Variants in DCUN1D1 observed in about 807,000 individuals in gnomAD.
The protein encoded by DCUN1D1 is defective in cullin neddylation 1 domain containing 1.
Under a neutral mutation model 39.0 loss-of-function variants are expected in DCUN1D1, and 3 were observed. The observed-to-expected ratio is 0.08, with a 90% CI of 0.04 to 0.20. The LOEUF (loss-of-function observed/expected upper bound fraction) is 0.20, where lower values mean the gene tolerates loss of function less well. Among genes scored for constraint, DCUN1D1 ranks in the 10% least tolerant of loss-of-function variants. The pLI is 1.00. For synonymous variants in DCUN1D1, 82 were observed against 96.3 expected (o/e 0.85, Z 0.87); for missense variants, 158 against 302.4 (o/e 0.52, Z 3.54).
rs57297234 is a variant in DCUN1D1, at chr3:182,943,114, GAAA to G, written c.*1977_*1979del. 0.046 allele frequency: 2,451 copies of G among 53,648 alleles called. 50 individuals are homozygous for G. The highest frequency in any genetic ancestry group is 0.16 in the African/African-American group (2,246 of 14,014). The allele number at this position is 53,648 out of a possible 1,614,324, so 3.3% of individuals were successfully genotyped here. ...ACTTTTAAAGAAAACACTTTATATT[GAAA>G]AAAAAAAAAAAAAAAAAAAGCTAAT... On this transcript the variant is annotated 3_prime_UTR_variant, in exon 7 of 7. Transcript: ENST00000292782.
chr3:182,964,878 ATC>A (rs1727590443), intron 2 of DCUN1D1, among the ~76,000 whole-genome samples: 2 of 152,212 alleles, frequency 1.3e-5, no homozygotes, highest in East Asian at 3.9e-4. Context: ...TGACCTTGTG[ATC>A]TGACCACCTC....
At chr3:182,982,643 A>AT (rs1258951262), upstream of DCUN1D1, among the ~76,000 whole-genome samples, 1 of 151,820 alleles carries the variant, frequency 6.6e-6, no homozygotes, top group East Asian at 1.9e-4. Flanking sequence ...TTGTTGTTGT[A>AT]TTTTTTTGTT....
intron 6 of DCUN1D1, among the ~76,000 whole-genome samples, chr3:182,946,262 T>C (rs1045497809): frequency 1.3e-5 from 2 of 151,856 alleles, no homozygotes; most frequent in African/African-American, 4.8e-5. Context: ...TGAAGTAAGT[T>C]TCAAAAAAAA....
chr3:182,951,469 A>G (rs2108629974), intron 4 of DCUN1D1, among the ~76,000 whole-genome samples: 1 of 151,762 alleles, frequency 6.6e-6, no homozygotes, highest in Admixed American at 6.5e-5. Context: ...CAAAAAAACC[A>G]GCCGAGCATG....
At position 182,947,242 on chromosome 3, in the gene DCUN1D1, T is replaced by A. The variant is rs1281824001; in HGVS notation, c.696A>T (p.Glu232Asp). The change falls in exon 6 of 7, where the codon GAA (glutamate) becomes GAT (aspartate). Residue 232 changes from glutamate (E) to aspartate (D), a missense_variant. By Grantham distance (45) the Glu-to-Asp change is conservative (BLOSUM62 2). Around this residue, in one of 4 missense-constraint regions of DCUN1D1, gnomAD observed 14 missense variants for 48.0 expected, o/e 0.29. Transcript: ENST00000292782. The part of the protein sequence containing the change: ...MIADDMSNYD[E>D]EGAWPVLIDD... Reference sequence around the variant, plus strand: ...TGTGGCAAAAATTTTCATTACCTTCTTCATCATAATTAGACATGTCATCTG... The same window carrying A: ...TGTGGCAAAAATTTTCATTACCTTCATCATCATAATTAGACATGTCATCTG... 5 of 1,588,284 alleles carry A rather than the reference T, an allele frequency of 3.1e-6. No homozygotes were observed. The highest frequency in any genetic ancestry group is 4.3e-6 in the Non-Finnish European group (5 of 1,169,104).
intron 1 of DCUN1D1, among the ~76,000 whole-genome samples, chr3:182,967,715 G>A (rs534086994): frequency 1.3e-5 from 2 of 152,252 alleles, no homozygotes; most frequent in African/African-American, 4.8e-5. Context: ...TCCCTCAAGT[G>A]TCTAGGATTC....
chr3:182,949,728 A>G (rs1023563258), intron 4 of DCUN1D1, among the ~76,000 whole-genome samples: 6 of 152,094 alleles, frequency 3.9e-5, no homozygotes, highest in Admixed American at 1.3e-4. Flanking sequence ...AAAACAAACA[A>G]CACAACAACA....
chr3:182,959,598 T>C (rs544538697), intron 4 of DCUN1D1, among the ~76,000 whole-genome samples: 9 of 150,878 alleles, frequency 6.0e-5, no homozygotes, highest in South Asian at 2.1e-4. Flanking sequence ...AAATTAAGGA[T>C]AATAAACTGC....
chr3:182,962,226 G>C (rs1025548797), intron 3 of DCUN1D1, among the ~76,000 whole-genome samples: 15 of 152,144 alleles, frequency 9.9e-5, no homozygotes, highest in Admixed American at 9.2e-4. Flanking sequence ...GTTCAGGATG[G>C]GCCTGGCTTT....
At chr3:182,965,507 ATTTAC>A (rs754098424) in intron 2 of DCUN1D1, 25 bp downstream of exon 2, 9 of 1,507,482 alleles carry the variant, frequency 6.0e-6, no homozygotes, top group Non-Finnish European at 8.2e-6. Flanking sequence ...CTGGTCCAAA[ATTTAC>A]TTAAAGTCAC....
chr3:182,971,201 G>C (rs570858188), intron 1 of DCUN1D1, among the ~76,000 whole-genome samples: 1 of 152,254 alleles, frequency 6.6e-6, no homozygotes, highest in African/African-American at 2.4e-5. Context: ...GAGGTTACAC[G>C]AATCAATTCA....
In DCUN1D1 at chr3:182,941,121, T is replaced by C. The variant is rs924973816; in HGVS notation, c.*3973A>G. On this transcript the variant is annotated 3_prime_UTR_variant, in exon 7 of 7. Transcript: ENST00000292782. ...TCAACAGGTAGGAAAGAAAATAAGA[T>C]AGCAAGAATGCTCTGATAAAATCAT... The C allele has an allele frequency of 1.3e-5, 2 of 150,686 alleles. No homozygotes were observed. Among genetic ancestry groups the C allele is most frequent in the East Asian group, 1.9e-4 (1 of 5,188 alleles). The allele number at this position is 150,686 out of a possible 1,614,324, so 9.3% of individuals were successfully genotyped here. A position where few individuals can be genotyped will look rare whatever the true frequency, so the allele number is the denominator to read the frequency against.
upstream of DCUN1D1, among the ~76,000 whole-genome samples, chr3:182,982,314 T>C (rs1728581754): frequency 6.6e-6 from 1 of 152,222 alleles, no homozygotes; most frequent in South Asian, 2.1e-4. Context: ...GTATACAGCC[T>C]GTGTCACGCT....
In DCUN1D1 at chr3:182,945,009, C is replaced by T; in HGVS notation, c.*85G>A. 1.7e-6 allele frequency: 2 copies of T among 1,149,450 alleles called. No individual in the cohort carries two copies. The highest frequency in any genetic ancestry group is 2.6e-6 in the Non-Finnish European group (2 of 775,104). The allele number at this position is 1,149,450 out of a possible 1,614,324, so 71.2% of individuals were successfully genotyped here. ...GAATTGTGAGGATTGATCTTCAGTTCAGTCCAGCCAGCAGAAATTGACTGT... is the reference window on the plus strand; with the variant it reads ...GAATTGTGAGGATTGATCTTCAGTTTAGTCCAGCCAGCAGAAATTGACTGT... On this transcript the variant is annotated 3_prime_UTR_variant, in exon 7 of 7. Transcript: ENST00000292782.
At chr3:182,957,593 T>C (rs926296589) in intron 4 of DCUN1D1, among the ~76,000 whole-genome samples, 8 of 151,326 alleles carry the variant, frequency 5.3e-5, no homozygotes, top group African/African-American at 1.5e-4. Context: ...GGCACTACAG[T>C]CCAACCTAGG....
rs1195888893 is a variant in DCUN1D1, at chr3:182,941,856, T to C, written c.*3238A>G. The C allele has an allele frequency of 1.3e-5, 2 of 152,104 alleles. No homozygotes were observed. The highest frequency in any genetic ancestry group is 2.4e-5 in the African/African-American group (1 of 41,408). The allele number at this position is 152,104 out of a possible 1,614,324, so 9.4% of individuals were successfully genotyped here. A position where few individuals can be genotyped will look rare whatever the true frequency, so the allele number is the denominator to read the frequency against. ...GATTAGGTTTAACTTTCTCCTGTCATTCATATGTGAAAATTACAGAAGGTT... is the reference window on the plus strand; with the variant it reads ...GATTAGGTTTAACTTTCTCCTGTCACTCATATGTGAAAATTACAGAAGGTT... On this transcript the variant is annotated 3_prime_UTR_variant, in exon 7 of 7. Coordinates refer to ENST00000292782, the MANE Select transcript of DCUN1D1 (RefSeq NM_020640.4).
Position 182,947,243 on chromosome 3 carries a change from T to G in DCUN1D1, c.695A>C (p.Glu232Ala). 1 of 1,588,808 alleles carries G rather than the reference T, an allele frequency of 6.3e-7. No homozygotes were observed. Among genetic ancestry groups the G allele is most frequent in the Non-Finnish European group, 8.6e-7 (1 of 1,169,326 alleles). ...GTGGCAAAAATTTTCATTACCTTCTTCATCATAATTAGACATGTCATCTGC... is the reference window on the plus strand; with the variant it reads ...GTGGCAAAAATTTTCATTACCTTCTGCATCATAATTAGACATGTCATCTGC... ...MIADDMSNYDEEGAWPVLIDD... is the reference protein window; with the variant it reads ...MIADDMSNYDAEGAWPVLIDD... The change falls in exon 6 of 7, where the codon GAA (glutamate) becomes GCA (alanine). Residue 232 changes from glutamate to alanine, a missense_variant. Around this residue, in one of 4 missense-constraint regions of DCUN1D1, gnomAD observed 14 missense variants for 48.0 expected, o/e 0.29. Transcript: ENST00000292782.
At chr3:182,966,858 G>C (rs1393259393) in intron 1 of DCUN1D1, among the ~76,000 whole-genome samples, 1 of 152,210 alleles carries the variant, frequency 6.6e-6, no homozygotes, top group African/African-American at 2.4e-5. Context: ...TGTAATCCCA[G>C]CACCTTGGGA....
chr3:182,947,780 T>C (rs1726493292), intron 4 of DCUN1D1, 148 bp from the exon 5 acceptor site: 2 of 558,342 alleles, frequency 3.6e-6, no homozygotes, highest in Admixed American at 3.9e-5. Context: ...AAAAATTTCC[T>C]ATACAAATGA....
Sources: allele counts gnomAD v4.1 joint callset (sites outside exome capture counted in the v4.1 genomes callset), GRCh38; gene constraint gnomAD v4.1.1; regional missense constraint gnomAD v4.1.1; transcripts MANE v1.5; gene names NCBI Gene and HGNC (gene_info 2026-07-23, HGNC 2026-07-21).